The following TMEM63C variants were observed in gnomAD, a reference collection of about 807,000 sequenced individuals.
TMEM63C encodes the protein transmembrane protein 63C.
Under a neutral mutation model 99.2 loss-of-function variants are expected in TMEM63C, and 32 were observed. The ratio of observed to expected loss-of-function variants is 0.32; its 90% CI spans 0.24 to 0.43. The LOEUF (loss-of-function observed/expected upper bound fraction) is 0.43. TMEM63C is among the 20% of genes least tolerant of loss of function. The pLI, the probability that TMEM63C is intolerant of heterozygous loss-of-function variation, is 1.00. For synonymous variants in TMEM63C, 376 were observed against 397.9 expected (o/e 0.94, Z 0.66); for missense variants, 826 against 1,053.0 (o/e 0.78, Z 2.98).
intron 1 of TMEM63C, among the ~76,000 whole-genome samples, chr14:77,183,153 A>C (rs1016340238): frequency 3.3e-5 from 5 of 152,156 alleles, no homozygotes; most frequent in African/African-American, 1.2e-4. Context: ...TTTTAGAGCC[A>C]GAGCCAGATG....
At position 77,246,682 on chromosome 14, in the gene TMEM63C, C is replaced by G. The variant is rs771492347; in HGVS notation, c.1601+8C>G. 18 of 1,611,454 alleles carry G rather than the reference C, an allele frequency of 1.1e-5. No homozygotes were observed. The East Asian group carries it at 4.0e-4, about 36-fold the overall frequency. On this transcript the variant is annotated splice_region_variant and intron_variant, in intron 18 of 23. Transcript: ENST00000298351. ...AGCATCCATCAGGTTCCAGTGAGTA[C>G]TCCCATGTGTCCACCAGGGCTGCTG...
At chr14:77,216,793 T>A (rs1231217432) in intron 2 of TMEM63C, among the ~76,000 whole-genome samples, 1 of 152,166 alleles carries the variant, frequency 6.6e-6, no homozygotes, top group African/African-American at 2.4e-5. Flanking sequence ...CAGGCTACCA[T>A]TGTCTCCTGC....
chr14:77,231,208 A>AAT (rs34617188), intron 6 of TMEM63C, among the ~76,000 whole-genome samples: 9,805 of 152,134 alleles, frequency 0.064, 407 homozygotes, highest in Admixed American at 0.1. Flanking sequence ...CTTTTTTCCT[A>AAT]AGAGTGCCTC....
intron 23 of TMEM63C, among the ~76,000 whole-genome samples, chr14:77,253,719 G>T (rs145239440): frequency 6.6e-6 from 1 of 152,236 alleles, no homozygotes; most frequent in Admixed American, 6.5e-5. Context: ...GGGACCAAAG[G>T]CTGCCCCTGA....
chr14:77,253,455 G>T (rs1594871406), intron 23 of TMEM63C, 79 bp downstream of exon 23: 2 of 1,391,778 alleles, frequency 1.4e-6, no homozygotes, highest in East Asian at 5.0e-5. Flanking sequence ...TGTGGGGGAT[G>T]CCAGCTTTGC....
chr14:77,210,064 C>A (rs968699680), intron 1 of TMEM63C, among the ~76,000 whole-genome samples: 2 of 152,186 alleles, frequency 1.3e-5, no homozygotes, highest in Non-Finnish European at 2.9e-5. Flanking sequence ...CAAATCTCTC[C>A]ACCCTCTCTC....
At chr14:77,243,080 C>A in intron 15 of TMEM63C, 24 bp downstream of exon 15, 1 of 1,612,242 alleles carries the variant, frequency 6.2e-7, no homozygotes, top group African/African-American at 1.3e-5. Context: ...TCAGGCCAGG[C>A]CTGGGGACCC....
In TMEM63C at chr14:77,249,288, C is replaced by T; in HGVS notation, c.1871-3C>T. ...TGAGTAAGTTTCCACCTTTGTCCCC[C>T]AGGGTTGCTCTACCTGTGCATGAAG... On this transcript the variant is annotated splice_region_variant and splice_polypyrimidine_tract_variant and intron_variant, in intron 20 of 23. Transcript: ENST00000298351. The T allele has an allele frequency of 6.2e-7, 1 of 1,613,782 alleles. No individual in the cohort carries two copies. Among genetic ancestry groups the T allele is most frequent in the Non-Finnish European group, 8.5e-7 (1 of 1,179,752 alleles).
At chr14:77,190,148 T>C in intron 1 of TMEM63C, among the ~76,000 whole-genome samples, 1 of 152,048 alleles carries the variant, frequency 6.6e-6, no homozygotes, top group Non-Finnish European at 1.5e-5. Flanking sequence ...TGGTACTGTG[T>C]TTGGCCATAT....
intron 9 of TMEM63C, among the ~76,000 whole-genome samples, chr14:77,238,392 T>C (rs1889098630): frequency 6.6e-6 from 1 of 152,208 alleles, no homozygotes; most frequent in Non-Finnish European, 1.5e-5. Context: ...CCTTCCTCCC[T>C]TCACCACAGC....
At chr14:77,243,841 G>A (rs1889223346) in intron 15 of TMEM63C, among the ~76,000 whole-genome samples, 1 of 151,848 alleles carries the variant, frequency 6.6e-6, no homozygotes, top group South Asian at 2.1e-4. Context: ...ACAGACGTGT[G>A]CATGCACGCA....
In TMEM63C at chr14:77,220,341, A is replaced by AT. The variant is rs536110923; in HGVS notation, c.312+259dup. The stretch of plus-strand genomic sequence containing the variant: ...TAACGAATTAAGATATCTTAGAGAG[A>AT]TTTTTAACATTAATTTGTCTTCTCT... On this transcript the variant is annotated intron_variant, in intron 5 of 23. Transcript: ENST00000298351. 9.6e-4 allele frequency among the ~76,000 whole-genome samples: 146 copies of AT among 152,242 alleles called. 2 individuals are homozygous for AT. Among genetic ancestry groups the AT allele is most frequent in the African/African-American group, 3.3e-3 (137 of 41,540 alleles).
intron 10 of TMEM63C, among the ~76,000 whole-genome samples, chr14:77,239,199 T>C (rs1462018295): frequency 6.6e-6 from 1 of 152,252 alleles, no homozygotes; most frequent in African/African-American, 2.4e-5. Flanking sequence ...CCTTTTGCCC[T>C]GTTCTGAGTT....
intron 22 of TMEM63C, 36 bp downstream of exon 22, chr14:77,251,934 T>G (rs1387029144): frequency 1.3e-6 from 2 of 1,525,058 alleles, no homozygotes; most frequent in South Asian, 2.2e-5. Flanking sequence ...CTGGTTCTCT[T>G]GGTCCCTGGG....
intron 16 of TMEM63C, among the ~76,000 whole-genome samples, chr14:77,244,683 G>C (rs80340562): frequency 0.019 from 2,922 of 152,372 alleles, 32 homozygotes; most frequent in Middle Eastern, 0.071. Flanking sequence ...TAGAGCCACT[G>C]TCTAAGAGTG....
chr14:77,249,153 G>A (rs1255400667), intron 20 of TMEM63C, 138 bp from the exon 21 acceptor site: 8 of 900,896 alleles, frequency 8.9e-6, no homozygotes, highest in Admixed American at 4.3e-5. Context: ...TCAGTACCAC[G>A]GAGCTCCCCC....
In TMEM63C at chr14:77,239,640, A is replaced by C. The variant is rs1889128899; in HGVS notation, c.844A>C (p.Lys282Gln). ...AMRGRLFYTA[K>Q]AKKTGKVMIR... ...GCGGGGCCGGCTTTTCTATACAGCC[A>C]AGGCCAAGAAGACTGGGAAGGTGAT... is the stretch of plus-strand genomic sequence containing the variant. Residue 282 changes from lysine to glutamine, a missense_variant, in exon 12 of 24, where the codon AAG (lysine) becomes CAG (glutamine). Transcript: ENST00000298351. 2 of 1,613,302 alleles carry C rather than the reference A, an allele frequency of 1.2e-6. No homozygotes were observed.
chr14:77,221,471 G>A (rs1374659924), intron 5 of TMEM63C, among the ~76,000 whole-genome samples: 5 of 16,792 alleles, frequency 3.0e-4, no homozygotes, highest in African/African-American at 1.4e-3. Flanking sequence ...TCCCACTCAC[G>A]CCTCCCATTC....
In TMEM63C at chr14:77,219,585, G is replaced by A. The variant is rs1888652984; in HGVS notation, c.230+8G>A. The A allele has an allele frequency of 6.2e-7, 1 of 1,613,746 alleles. No individual in the cohort carries two copies. Among genetic ancestry groups the A allele is most frequent in the African/African-American group, 1.3e-5 (1 of 74,944 alleles). On this transcript the variant is annotated splice_region_variant and intron_variant, in intron 4 of 23. Transcript: ENST00000298351. ...GCTGATACACAATGACAGGTGAGGA[G>A]GGGTCGAGATGGGTGAGCCGTTGCC... is the stretch of plus-strand genomic sequence containing the variant.
Sources: allele counts gnomAD v4.1 joint callset (sites outside exome capture counted in the v4.1 genomes callset), GRCh38; gene constraint gnomAD v4.1.1; transcripts MANE v1.5; gene names NCBI Gene and HGNC (gene_info 2026-07-23, HGNC 2026-07-21).